XRN1: variants seen among roughly 807,000 people sequenced by gnomAD.
The protein encoded by XRN1 is strand-exchange protein 1 homolog.
XRN1 carries 67 observed loss-of-function variants against 222.3 expected under a neutral mutation model. The ratio of observed to expected loss-of-function variants is 0.30; its 90% CI spans 0.25 to 0.37. XRN1 has a LOEUF of 0.37. Ranked by LOEUF, XRN1 falls within the 10% of genes least tolerant of loss-of-function variation. The pLI is 1.00. For missense variants in XRN1, 1,707 were observed against 2,000.2 expected, an observed-to-expected ratio of 0.85 and a Z score of 2.80; for synonymous variants, 643 against 652.4, an observed-to-expected ratio of 0.99 and a Z score of 0.22.
chr3:142,335,586 G>T (rs2065830704), intron 33 of XRN1, 77 bp from the exon 34 acceptor site: 1 of 1,264,856 alleles, frequency 7.9e-7, no homozygotes, highest in Non-Finnish European at 1.1e-6. Context: ...ATTTATAATA[G>T]CAAGGCACTG....
intron 1 of XRN1, among the ~76,000 whole-genome samples, chr3:142,441,804 A>G (rs1272753847): frequency 1.3e-5 from 2 of 152,240 alleles, no homozygotes; most frequent in Admixed American, 6.5e-5. Flanking sequence ...AAGATAGAAC[A>G]TAACTGTCAA....
At chr3:142,341,659 G>A (rs1356796551) in intron 33 of XRN1, among the ~76,000 whole-genome samples, 2 of 151,968 alleles carry the variant, frequency 1.3e-5, no homozygotes, top group Non-Finnish European at 2.9e-5. Context: ...AGGACCCAAT[G>A]ATCTGTTGCC....
At position 142,340,983 on chromosome 3, in the gene XRN1, A is replaced by G. The variant is rs1208570570; in HGVS notation, c.3878-5474T>C. Among the ~76,000 whole-genome samples, 3 of 152,204 alleles carry G rather than the reference A, an allele frequency of 2.0e-5. No individual in the cohort carries two copies. In the East Asian group the frequency reaches 5.8e-4, roughly 29 times the overall value. On this transcript the variant is annotated intron_variant, in intron 33 of 40. Transcript: ENST00000392981. The stretch of plus-strand genomic sequence containing the variant: ...GAGCAGTAAGACATTATTTGAAGGC[A>G]CAAAACTCACTGATAATAGTAAGTA...
At position 142,400,555 on chromosome 3, in the gene XRN1, T is replaced by C. The variant is rs1200648207; in HGVS notation, c.2104-8A>G. On this transcript the variant is annotated splice_region_variant and splice_polypyrimidine_tract_variant and intron_variant, in intron 18 of 40. Transcript: ENST00000392981. ...AGCTACATTTTCTACGGTCTTAAAG[T>C]AAAAGCAAAAAAGTTCATTCATGAT... 3 of 1,598,934 alleles carry C rather than the reference T, an allele frequency of 1.9e-6. No individual in the cohort carries two copies. Among genetic ancestry groups the C allele is most frequent in the Non-Finnish European group, 2.6e-6 (3 of 1,173,544 alleles).
intron 1 of XRN1, among the ~76,000 whole-genome samples, chr3:142,433,772 A>AT (rs1219285137): frequency 6.6e-5 from 10 of 152,172 alleles, no homozygotes; most frequent in African/African-American, 2.4e-4. Flanking sequence ...ATTACTTTGA[A>AT]TTTTTTCCTT....
chr3:142,325,522 G>GT (rs201606928), intron 37 of XRN1, among the ~76,000 whole-genome samples: 15 of 151,462 alleles, frequency 9.9e-5, no homozygotes, highest in Admixed American at 1.3e-4. Context: ...GGGATTTTTT[G>GT]TTTTTTTTCT....
intron 37 of XRN1, among the ~76,000 whole-genome samples, chr3:142,324,093 TTTA>T (rs1027438715): frequency 3.9e-5 from 6 of 151,922 alleles, no homozygotes; most frequent in African/African-American, 1.2e-4. Flanking sequence ...CAGTTTTTTT[TTTA>T]TTATTTTTAT....
chr3:142,331,018 A>G (rs1487352373), intron 36 of XRN1, among the ~76,000 whole-genome samples: 2 of 152,116 alleles, frequency 1.3e-5, no homozygotes, highest in East Asian at 1.9e-4. Context: ...GGGTTTCACC[A>G]TGTTGGCCAG....
intron 37 of XRN1, 75 bp downstream of exon 37, chr3:142,329,355 TCTAG>T: frequency 9.3e-7 from 1 of 1,075,404 alleles, no homozygotes; most frequent in East Asian, 3.2e-5. Flanking sequence ...TTTTATTTTT[TCTAG>T]CTAAACATTT....
intron 34 of XRN1, 64 bp downstream of exon 34, chr3:142,335,384 G>T: frequency 1.4e-6 from 2 of 1,462,666 alleles, no homozygotes; most frequent in Non-Finnish European, 1.9e-6. Context: ...TCAGTCCAAT[G>T]CTACAGAGCC....
rs2065034363 is a variant in XRN1 at position 142,309,424 on chromosome 3, A to C, written c.*2087T>G. The C allele has an allele frequency of 2.0e-5, 3 of 152,180 alleles. No individual in the cohort carries two copies. The East Asian group carries it at 5.8e-4, about 29-fold the overall frequency. 9.4% of individuals were successfully genotyped at this position (152,180 alleles called of 1,614,324 possible). A position where few individuals can be genotyped will look rare whatever the true frequency, so the allele number is the denominator to read the frequency against. On this transcript the variant is annotated 3_prime_UTR_variant, in exon 41 of 41. Transcript: ENST00000392981. ...TTTTTAGTAGAGACAGGGCTTCATC[A>C]TGTTGGCCAGGCTTGTCTGGAACTC...
rs2070291371 is a variant in XRN1 at position 142,442,845 on chromosome 3, T to C, written c.75+5025A>G. 5.3e-5 allele frequency among the ~76,000 whole-genome samples: 8 copies of C among 152,044 alleles called. No individual in the cohort carries two copies. In the South Asian group the frequency reaches 1.7e-3, roughly 32 times the overall value. ...GCCTCCTGGGTTCACGCCATTCTCC[T>C]GCCTCAGCCTCCTGAGTAGCTGGGA... On this transcript the variant is annotated intron_variant, in intron 1 of 40. Transcript: ENST00000392981.
chr3:142,370,092 T>C (rs1279234773), intron 27 of XRN1, among the ~76,000 whole-genome samples: 1 of 144,282 alleles, frequency 6.9e-6, no homozygotes, highest in African/African-American at 2.5e-5. Flanking sequence ...CAGGAAGAAA[T>C]AGGGGATTAT....
chr3:142,335,594 C>T, intron 33 of XRN1, 85 bp from the exon 34 acceptor site: 1 of 1,227,366 alleles, frequency 8.1e-7, no homozygotes, highest in Non-Finnish European at 1.2e-6. Flanking sequence ...TAGCAAGGCA[C>T]TGTGTTAAAA....
chr3:142,405,718 C>A (rs2068311251), intron 15 of XRN1, among the ~76,000 whole-genome samples: 1 of 151,922 alleles, frequency 6.6e-6, no homozygotes, highest in Admixed American at 6.6e-5. Flanking sequence ...CAAATCTATG[C>A]CAAAACAGTC....
At chr3:142,364,970 T>G in intron 29 of XRN1, 77 bp downstream of exon 29, 2 of 1,426,748 alleles carry the variant, frequency 1.4e-6, no homozygotes, top group Non-Finnish European at 1.9e-6. Context: ...TCTGGTTAGA[T>G]ATAAAAAACA....
intron 13 of XRN1, among the ~76,000 whole-genome samples, chr3:142,416,084 C>CAA (rs113909171): frequency 9.1e-5 from 13 of 143,030 alleles, no homozygotes; most frequent in African/African-American, 3.3e-4. Flanking sequence ...GACTCTGTCT[C>CAA]AAAAAAAAAA....
intron 29 of XRN1, 103 bp downstream of exon 29, chr3:142,364,944 T>C: frequency 4.8e-6 from 6 of 1,239,438 alleles, no homozygotes; most frequent in East Asian, 2.8e-5. Context: ...TGTTTGTTCC[T>C]GATTTATAGT....
Position 142,421,172 on chromosome 3 carries a change from A to T in XRN1, c.1036-19T>A, listed in dbSNP as rs770860138. ...GATCAAACTGTACAGAAATATTTAAATTTATTTTTAAATAATTTAAGTATA... is the reference window on the plus strand; with the variant it reads ...GATCAAACTGTACAGAAATATTTAATTTTATTTTTAAATAATTTAAGTATA... On this transcript the variant is annotated intron_variant, in intron 9 of 40. Coordinates refer to ENST00000392981, the MANE Select transcript of XRN1 (RefSeq NM_001282857.2). 1 of 1,534,240 alleles carries T rather than the reference A, an allele frequency of 6.5e-7. No individual in the cohort carries two copies. The highest frequency in any genetic ancestry group is 1.3e-5 in the South Asian group (1 of 76,552).
Sources: gnomAD v4.1 joint callset for allele counts (sites outside exome capture counted in the v4.1 genomes callset) on GRCh38, gnomAD v4.1.1 for gene constraint, MANE v1.5 for transcripts, NCBI Gene and HGNC (gene_info 2026-07-23, HGNC 2026-07-21) for gene names.